The following AGO1 variants were observed in gnomAD, a reference collection of about 807,000 sequenced individuals.
The protein encoded by AGO1 is argonaute RISC component 1, also known as protein argonaute-1.
In AGO1, 11 loss-of-function variants were observed where a neutral mutation model predicts 109.2. That is an observed-to-expected ratio of 0.10 (90% CI 0.06 to 0.17). The LOEUF (loss-of-function observed/expected upper bound fraction) is 0.17. Among genes scored for constraint, AGO1 ranks in the 10% least tolerant of loss-of-function variants. The pLI is 1.00. For missense variants in AGO1, 574 were observed against 1,140.3 expected, an observed-to-expected ratio of 0.50 and a Z score of 7.15; for synonymous variants, 422 against 418.6, an observed-to-expected ratio of 1.01 and a Z score of -0.10.
At chr1:35,907,579 A>G (rs779603942) in intron 12 of AGO1, among the ~76,000 whole-genome samples, 2 of 152,172 alleles carry the variant, frequency 1.3e-5, no homozygotes. Context: ...TAGAATAAGA[A>G]TGATTATATA....
At position 35,921,489 on chromosome 1, in the gene AGO1, T is replaced by A. The variant is rs892881648; in HGVS notation, c.*1882T>A. The stretch of plus-strand genomic sequence containing the variant: ...TGTGGAATTTCCTCTTTGAGGAGCC[T>A]GGGCTTGGATCTATCCTGATCTGGT... On this transcript the variant is annotated 3_prime_UTR_variant, in exon 19 of 19. Transcript: ENST00000373204. 6.5e-6 allele frequency: 1 copy of A among 152,686 alleles called. No individual in the cohort carries two copies. The highest frequency in any genetic ancestry group is 1.5e-5 in the Non-Finnish European group (1 of 68,138). 9.5% of individuals were successfully genotyped at this position (152,686 alleles called of 1,614,324 possible).
At chr1:35,874,390 C>T (rs575745109) in intron 1 of AGO1, among the ~76,000 whole-genome samples, 11 of 152,236 alleles carry the variant, frequency 7.2e-5, no homozygotes, top group African/African-American at 1.4e-4. Context: ...GTGCCCAGGC[C>T]GGTCTCAAAC....
At chr1:35,892,919 G>A (rs1440944057) in intron 3 of AGO1, among the ~76,000 whole-genome samples, 178 bp from the exon 4 acceptor site, 1 of 152,210 alleles carries the variant, frequency 6.6e-6, no homozygotes, top group African/African-American at 2.4e-5. Flanking sequence ...AGAGGTAGTT[G>A]AGAGGAACAG....
In AGO1 at chr1:35,893,955, G is replaced by A; in HGVS notation, c.650-82G>A. On this transcript the variant is annotated intron_variant, in intron 5 of 18. Coordinates refer to ENST00000373204, the MANE Select transcript of AGO1 (RefSeq NM_012199.5). This position sits in a 1 kb window ranked among gnomAD's most constrained non-coding sequence, Gnocchi z 5.6. ...CTTCCCCCATCCCAATGCCCTTTAAGGAAGAGGGTATAAATTGCTGTGCCT... is the reference window on the plus strand; with the variant it reads ...CTTCCCCCATCCCAATGCCCTTTAAAGAAGAGGGTATAAATTGCTGTGCCT... 2 of 1,522,422 alleles carry A rather than the reference G, an allele frequency of 1.3e-6. No individual in the cohort carries two copies. The highest frequency in any genetic ancestry group is 2.3e-5 in the East Asian group (1 of 43,910). The allele number at this position is 1,522,422 out of a possible 1,614,324, so 94.3% of individuals were successfully genotyped here.
At position 35,902,039 on chromosome 1, in the gene AGO1, T is replaced by A; in HGVS notation, c.1232T>A (p.Leu411Gln). ...DDMTEVTGRV[L>Q]PAPILQYGGR... is the part of the protein sequence containing the mutation. Reference sequence around the variant, plus strand: ...ATGACGGAGGTGACAGGGCGAGTGCTGCCGGCGCCCATCTTGCAGTACGGC... The same window carrying A: ...ATGACGGAGGTGACAGGGCGAGTGCAGCCGGCGCCCATCTTGCAGTACGGC... Residue 411 changes from leucine to glutamine, a missense_variant, in exon 10 of 19, where the codon CTG becomes CAG. By Grantham distance (113) the Leu-to-Gln change is moderately radical. Around this residue, in one of 8 missense-constraint regions of AGO1, gnomAD observed 106 missense variants for 147.8 expected, o/e 0.72. Coordinates refer to ENST00000373204, the MANE Select transcript of AGO1 (RefSeq NM_012199.5). 6.2e-7 allele frequency: 1 copy of A among 1,610,540 alleles called. No homozygotes were observed. The highest frequency in any genetic ancestry group is 8.5e-7 in the Non-Finnish European group (1 of 1,178,318).
chr1:35,893,203 T>A lies in AGO1; in HGVS notation c.437T>A (p.Val146Asp). ...VSWRMLHEAL[V>D]SGQIPVPLES... ...TGGCGAATGCTGCATGAGGCCCTGG[T>A]CAGCGGCCAGATCCCTGTTCCCTTG... Residue 146 changes from valine (V) to aspartate (D), a missense_variant, in exon 4 of 19, where the codon GTC becomes GAC. Transcript: ENST00000373204. The surrounding 1 kb of genome is among the most constrained non-coding windows in gnomAD (Gnocchi z 5.6). 1 of 1,614,102 alleles carries A rather than the reference T, an allele frequency of 6.2e-7. No individual in the cohort carries two copies. The highest frequency in any genetic ancestry group is 8.5e-7 in the Non-Finnish European group (1 of 1,180,012).
rs1432617629 is a variant in AGO1 at position 35,915,338 on chromosome 1, T to C, written c.1834-10T>C. On this transcript the variant is annotated splice_polypyrimidine_tract_variant and intron_variant, in intron 14 of 18. Coordinates refer to ENST00000373204, the MANE Select transcript of AGO1 (RefSeq NM_012199.5). Reference sequence around the variant, plus strand: ...GTTCTAGGAGCTAATCCTTTCTCTCTGACTGTCAGGTGGTAGGCAGTATGG... The same window carrying C: ...GTTCTAGGAGCTAATCCTTTCTCTCCGACTGTCAGGTGGTAGGCAGTATGG... 1.9e-6 allele frequency: 3 copies of C among 1,609,294 alleles called. No individual in the cohort carries two copies. The highest frequency in any genetic ancestry group is 1.1e-5 in the South Asian group (1 of 91,016).
chr1:35,890,177 C>G (rs1489236697), intron 2 of AGO1, among the ~76,000 whole-genome samples: 1 of 151,438 alleles, frequency 6.6e-6, no homozygotes, highest in Non-Finnish European at 1.5e-5. Flanking sequence ...CACCCACCAC[C>G]ACGCCTGGCT....
chr1:35,904,234 C>T (rs979319298), intron 11 of AGO1, among the ~76,000 whole-genome samples: 2 of 151,078 alleles, frequency 1.3e-5, no homozygotes, highest in African/African-American at 2.4e-5. Flanking sequence ...GCCTCCCAAG[C>T]AGCTGGGACC....
Position 35,927,682 on chromosome 1 carries a change from A to G in AGO1, c.*8075A>G, listed in dbSNP as rs1345239585. On this transcript the variant is annotated 3_prime_UTR_variant, in exon 19 of 19. Coordinates refer to ENST00000373204, the MANE Select transcript of AGO1 (RefSeq NM_012199.5). ...TTATCCTTTGAGTCGTGTAGACTAG[A>G]AAGTTCAGTCATGTCTACTAGCAAG... 6.6e-6 allele frequency: 1 copy of G among 152,110 alleles called. No individual in the cohort carries two copies. Among genetic ancestry groups the G allele is most frequent in the Non-Finnish European group, 1.5e-5 (1 of 68,002 alleles). The allele number at this position is 152,110 out of a possible 1,614,324, so 9.4% of individuals were successfully genotyped here. A position where few individuals can be genotyped will look rare whatever the true frequency, so the allele number is the denominator to read the frequency against.
At chr1:35,898,558 G>A (rs931181366) in intron 8 of AGO1, among the ~76,000 whole-genome samples, 2 of 152,302 alleles carry the variant, frequency 1.3e-5, no homozygotes, top group Admixed American at 1.3e-4. Flanking sequence ...CCTGGCCAAT[G>A]TTTAACATCG....
At chr1:35,915,207 G>A (rs573494037) in intron 14 of AGO1, 141 bp from the exon 15 acceptor site, 6 of 635,784 alleles carry the variant, frequency 9.4e-6, no homozygotes. Context: ...TGATAGAATA[G>A]AGATTGAAAC....
rs914458309 is a variant in AGO1, at chr1:35,913,702, A to C, written c.1583-140A>C. ...CGATTTTTAAAATTAGTCCCTATTT[A>C]GTAAGCACTTTGAGAGTAAGGACCT... On this transcript the variant is annotated intron_variant, in intron 12 of 18. Transcript: ENST00000373204. 9.3e-6 allele frequency: 7 copies of C among 749,214 alleles called. No individual in the cohort carries two copies. The Admixed American group carries it at 2.3e-4, about 24-fold the overall frequency. The allele number at this position is 749,214 out of a possible 1,614,324, so 46.4% of individuals were successfully genotyped here. A position where few individuals can be genotyped will look rare whatever the true frequency, so the allele number is the denominator to read the frequency against.
Position 35,883,895 on chromosome 1 carries a change from G to A in AGO1, c.25+449G>A, listed in dbSNP as rs1299274017. On this transcript the variant is annotated intron_variant, in intron 1 of 18. Coordinates refer to ENST00000373204, the MANE Select transcript of AGO1 (RefSeq NM_012199.5). The surrounding 1 kb of genome is among the most constrained non-coding windows in gnomAD (Gnocchi z 5.4). Reference sequence around the variant, plus strand: ...TGGGAGAAGGCGCCAGAGCTGGACTGTGAGCTCCGCCCCACTGGGCCTGAC... The same window carrying A: ...TGGGAGAAGGCGCCAGAGCTGGACTATGAGCTCCGCCCCACTGGGCCTGAC... Among the ~76,000 whole-genome samples, 1 of 152,226 alleles carries A rather than the reference G, an allele frequency of 6.6e-6. No individual in the cohort carries two copies. Among genetic ancestry groups the A allele is most frequent in the Non-Finnish European group, 1.5e-5 (1 of 68,032 alleles).
chr1:35,873,057 GT>G (rs11389607), intron 1 of AGO1, among the ~76,000 whole-genome samples: 212 of 143,014 alleles, frequency 1.5e-3, no homozygotes, highest in African/African-American at 3.2e-3. Flanking sequence ...CTGGTTACTT[GT>G]TTTTTTTTTT....
rs115387982 is a variant in AGO1, at chr1:35,873,104, A to C, written c.-201+3201A>C. ...TTACTGTCTATGCTTAGCAAAGTTT[A>C]AAGTTAATCAATACCTTTATCCTTG... is the stretch of plus-strand genomic sequence containing the variant. On this transcript the variant is annotated intron_variant, in intron 1 of 18. Coordinates refer to the AGO1 transcript ENST00000373206. 6.8e-3 allele frequency among the ~76,000 whole-genome samples: 1,037 copies of C among 151,460 alleles called. 7 individuals carry two copies. The highest frequency in any genetic ancestry group is 0.024 in the African/African-American group (985 of 41,214).
upstream of AGO1, among the ~76,000 whole-genome samples, chr1:35,881,684 G>T (rs1354541303): frequency 6.6e-6 from 1 of 152,198 alleles, no homozygotes; most frequent in African/African-American, 2.4e-5. Flanking sequence ...AGAACCTCTA[G>T]AAGCAAGGCA....
At chr1:35,877,849 C>T (rs574859552) in intron 1 of AGO1, among the ~76,000 whole-genome samples, 6 of 151,858 alleles carry the variant, frequency 4.0e-5, no homozygotes, top group South Asian at 4.2e-4. Flanking sequence ...AGCGCCACCA[C>T]GCCCAGCTAA....
In AGO1 at chr1:35,901,584, C is replaced by G; in HGVS notation, c.1131C>G (p.Ile377Met). ...CCGCTCCAGACAGACAGGAGGAGAT[C>G]AGTCGCCTGGTCAGTGGGCCTACTC... is the stretch of plus-strand genomic sequence containing the variant. ...ARSAPDRQEE[I>M]SRLMKNASYN... Residue 377 changes from isoleucine to methionine, a missense_variant, in exon 9 of 19, where the codon ATC (isoleucine) becomes ATG (methionine). Coordinates refer to ENST00000373204, the MANE Select transcript of AGO1 (RefSeq NM_012199.5). The surrounding 1 kb of genome is among the most constrained non-coding windows in gnomAD (Gnocchi z 4.8). 6.2e-7 allele frequency: 1 copy of G among 1,614,130 alleles called. No homozygotes were observed. The highest frequency in any genetic ancestry group is 8.5e-7 in the Non-Finnish European group (1 of 1,180,008).
Sources: gnomAD v4.1 joint callset for allele counts (sites outside exome capture counted in the v4.1 genomes callset) on GRCh38, gnomAD v4.1.1 for gene constraint, gnomAD v4.1.1 regional missense constraint, Gnocchi (gnomAD v3.1) non-coding constraint, MANE v1.5 for transcripts, NCBI Gene and HGNC (gene_info 2026-07-23, HGNC 2026-07-21) for gene names.